PHF21B: variants seen among roughly 807,000 people sequenced by gnomAD.
The protein encoded by PHF21B is PHD finger protein 4.
A neutral mutation model predicts 62.2 loss-of-function variants in PHF21B; 22 were observed. That is an observed-to-expected ratio of 0.35 (90% CI 0.25 to 0.51). PHF21B has a LOEUF of 0.51. Among genes scored for constraint, PHF21B ranks in the 20% least tolerant of loss-of-function variants. The pLI is 0.97. For missense variants in PHF21B, 701 were observed against 707.9 expected (o/e 0.99, Z 0.11); for synonymous variants, 341 against 314.7 (o/e 1.08, Z -0.88).
At chr22:44,897,942 G>A (rs1380231692) in intron 5 of PHF21B, among the ~76,000 whole-genome samples, 1 of 152,082 alleles carries the variant, frequency 6.6e-6, no homozygotes, top group Admixed American at 6.6e-5. Flanking sequence ...CCAAGTAACT[G>A]AGACTACAGG....
intron 5 of PHF21B, among the ~76,000 whole-genome samples, chr22:44,912,618 T>C (rs1414352959): frequency 6.6e-6 from 1 of 152,282 alleles, no homozygotes; most frequent in East Asian, 1.9e-4. Context: ...TGTGGAACTG[T>C]GAGTTCTCCA....
In PHF21B at chr22:44,999,433, A is replaced by G. The variant is rs1203323953; in HGVS notation, c.120+9112T>C. Among the ~76,000 whole-genome samples the G allele has an allele frequency of 2.0e-5, 3 of 152,148 alleles. No homozygotes were observed. The East Asian group carries it at 5.8e-4, about 29-fold the overall frequency. On this transcript the variant is annotated intron_variant, in intron 2 of 12. Coordinates refer to ENST00000313237, the MANE Select transcript of PHF21B (RefSeq NM_138415.5). ...CGCAATCCTCACCGAGGCCCCGGCC[A>G]GCCACACACTCCCCGGTGCTAAGCC...
chr22:44,882,977 T>G lies in PHF21B; in HGVS notation c.*109A>C. 2 of 1,287,068 alleles carry G rather than the reference T, an allele frequency of 1.6e-6. No homozygotes were observed. The highest frequency in any genetic ancestry group is 2.1e-6 in the Non-Finnish European group (2 of 942,202). The allele number at this position is 1,287,068 out of a possible 1,614,324, so 79.7% of individuals were successfully genotyped here. On this transcript the variant is annotated 3_prime_UTR_variant, in exon 13 of 13. Coordinates refer to ENST00000313237, the MANE Select transcript of PHF21B (RefSeq NM_138415.5). ...TCCCTCCTCTCCTCTGTCTGGTTAA[T>G]TTTTGTCTGAAATTCATAGTGTTTA...
rs1248679745 is a variant in PHF21B, at chr22:44,920,415, C to A, written c.196G>T (p.Ala66Ser). ...CTGCTTACCTGAGGTAGCACTGCCG[C>A]TCCTTGCCCGGCCAACCTCTGCAAG... Reference protein sequence around the residue: ...SSLQRLAGQGAAVLPQVRPKT... With the variant: ...SSLQRLAGQGSAVLPQVRPKT... The change falls in exon 3 of 13, where the codon GCG becomes TCG. Residue 66 changes from alanine to serine, a missense_variant. Transcript: ENST00000313237. 2 of 1,611,850 alleles carry A rather than the reference C, an allele frequency of 1.2e-6. No homozygotes were observed. Among genetic ancestry groups the A allele is most frequent in the Admixed American group, 3.3e-5 (2 of 59,882 alleles).
chr22:45,005,521 C>T (rs1039278906), intron 2 of PHF21B, among the ~76,000 whole-genome samples: 2 of 152,220 alleles, frequency 1.3e-5, no homozygotes, highest in African/African-American at 4.8e-5. Flanking sequence ...AAGCTATCTA[C>T]CACTATGAGT....
chr22:44,999,600 T>G (rs1299418553), intron 2 of PHF21B, among the ~76,000 whole-genome samples: 16 of 152,092 alleles, frequency 1.1e-4, no homozygotes, highest in Admixed American at 1.0e-3. Flanking sequence ...ACATCGTAAC[T>G]CCACTCATTT....
intron 2 of PHF21B, among the ~76,000 whole-genome samples, chr22:44,947,643 G>A (rs761529995): frequency 6.6e-6 from 1 of 152,204 alleles, no homozygotes; most frequent in African/African-American, 2.4e-5. Context: ...CGCGGACCCT[G>A]TGGGGACCAG....
Position 44,995,452 on chromosome 22 carries a change from G to A in PHF21B, c.120+13093C>T, listed in dbSNP as rs2073104408. The stretch of plus-strand genomic sequence containing the variant: ...AGTCTATTTACAGAAATGCATTTGT[G>A]TTCCACTTACTTATCTAAATGAGAG... On this transcript the variant is annotated intron_variant, in intron 2 of 12. Transcript: ENST00000313237. Among the ~76,000 whole-genome samples the A allele has an allele frequency of 2.6e-5, 4 of 152,168 alleles. No individual in the cohort carries two copies. In the South Asian group the frequency reaches 6.2e-4, roughly 24 times the overall value.
intron 2 of PHF21B, among the ~76,000 whole-genome samples, chr22:44,986,521 CA>C (rs3063310): frequency 0.21 from 17,912 of 85,834 alleles, 1,470 homozygotes; most frequent in African/African-American, 0.32. Flanking sequence ...GATCTTATTT[CA>C]AAAAAAAAAA....
intron 2 of PHF21B, among the ~76,000 whole-genome samples, chr22:44,938,291 T>A (rs1352128689): frequency 6.6e-6 from 1 of 152,214 alleles, no homozygotes; most frequent in Non-Finnish European, 1.5e-5. Context: ...TGGAGTGCAG[T>A]GGCGCGGACT....
At chr22:44,961,799 C>T (rs1009245048) in intron 2 of PHF21B, among the ~76,000 whole-genome samples, 3 of 151,574 alleles carry the variant, frequency 2.0e-5, no homozygotes, top group Non-Finnish European at 4.4e-5. Flanking sequence ...CGAGGTTGCG[C>T]GCACCACTGC....
intron 2 of PHF21B, among the ~76,000 whole-genome samples, chr22:44,991,148 C>A (rs1178913892): frequency 6.6e-6 from 1 of 152,190 alleles, no homozygotes; most frequent in Non-Finnish European, 1.5e-5. Context: ...ATCCTTCAGT[C>A]ATTAACACTA....
chr22:44,894,130 C>T (rs184905271), intron 6 of PHF21B, among the ~76,000 whole-genome samples: 58 of 152,326 alleles, frequency 3.8e-4, no homozygotes, highest in Non-Finnish European at 5.9e-4. Flanking sequence ...CTCTGTCTCC[C>T]GGACCTAGTT....
At chr22:44,885,815 G>A (rs1206383140) in intron 11 of PHF21B, 48 bp downstream of exon 11, 2 of 1,575,630 alleles carry the variant, frequency 1.3e-6, no homozygotes, top group Admixed American at 1.7e-5. Context: ...CCTGGGTGGG[G>A]GAGGAGGGGG....
chr22:44,965,161 C>T (rs1199170036), intron 2 of PHF21B, among the ~76,000 whole-genome samples: 1 of 152,138 alleles, frequency 6.6e-6, no homozygotes, highest in Non-Finnish European at 1.5e-5. Flanking sequence ...CTTTGCTGGA[C>T]CATCCCCCTG....
chr22:44,959,943 G>A (rs2072383656), intron 2 of PHF21B, among the ~76,000 whole-genome samples: 1 of 152,216 alleles, frequency 6.6e-6, no homozygotes, highest in Non-Finnish European at 1.5e-5. Context: ...TGAGAAGTCA[G>A]GGCAGCGCCT....
chr22:45,001,967 A>G (rs897194987), intron 2 of PHF21B: 16 of 152,250 alleles, frequency 1.1e-4, no homozygotes, highest in South Asian at 4.1e-4. Flanking sequence ...TTTCCCGATG[A>G]GCACGTGTTG....
At chr22:44,944,844 C>G (rs1269591360) in intron 2 of PHF21B, among the ~76,000 whole-genome samples, 1 of 152,248 alleles carries the variant, frequency 6.6e-6, no homozygotes, top group Non-Finnish European at 1.5e-5. Context: ...AGTCAGGGGC[C>G]TGGAAGGAAG....
At chr22:44,965,683 T>C (rs1444630901) in intron 2 of PHF21B, among the ~76,000 whole-genome samples, 1 of 152,186 alleles carries the variant, frequency 6.6e-6, no homozygotes, top group Non-Finnish European at 1.5e-5. Context: ...AGACCAGAGC[T>C]GAGTGGCTGG....
Sources: allele counts gnomAD v4.1 joint callset (sites outside exome capture counted in the v4.1 genomes callset), GRCh38; gene constraint gnomAD v4.1.1; transcripts MANE v1.5; gene names NCBI Gene and HGNC (gene_info 2026-07-23, HGNC 2026-07-21).